The following EYS variants were observed in gnomAD, a reference collection of about 807,000 sequenced individuals.
EYS encodes EGF-like photoreceptor maintenance factor.
A neutral mutation model predicts 282.1 loss-of-function variants in EYS; 250 were observed. The ratio of observed to expected loss-of-function variants is 0.89; its 90% CI spans 0.80 to 0.98. The LOEUF is 0.98. Among genes scored for constraint, EYS ranks in the 50% least tolerant of loss-of-function variants. The pLI, the probability that EYS is intolerant of heterozygous loss-of-function variation, is 0.00. For synonymous variants in EYS, 1,355 were observed against 1,282.9 expected (o/e 1.06, Z -1.20); for missense variants, 4,016 against 3,709.0 (o/e 1.08, Z -2.15).
intron 26 of EYS, among the ~76,000 whole-genome samples, chr6:64,579,947 G>A (rs1376201596): frequency 6.6e-6 from 1 of 152,084 alleles, no homozygotes; most frequent in Non-Finnish European, 1.5e-5. Flanking sequence ...CCATCATTAA[G>A]TTGATAATTT....
intron 30 of EYS, among the ~76,000 whole-genome samples, chr6:64,250,773 A>G (rs969932484): frequency 3.9e-5 from 6 of 152,204 alleles, no homozygotes; most frequent in African/African-American, 1.4e-4. Flanking sequence ...AACAAGCCCA[A>G]TCACATAGGG....
intron 5 of EYS, among the ~76,000 whole-genome samples, chr6:65,417,419 G>A (rs891863480): frequency 1.3e-5 from 2 of 151,998 alleles, no homozygotes; most frequent in African/African-American, 4.8e-5. Flanking sequence ...AGTTTCTAAT[G>A]TGTGACTCTC....
intron 9 of EYS, 45 bp from the exon 10 acceptor site, chr6:65,344,222 T>G: frequency 1.4e-6 from 2 of 1,460,150 alleles, no homozygotes; most frequent in Non-Finnish European, 1.9e-6. Context: ...TCTTACAAAC[T>G]TGAATTCAGA....
At chr6:65,365,053 C>T (rs543799274) in intron 8 of EYS, among the ~76,000 whole-genome samples, 2 of 151,648 alleles carry the variant, frequency 1.3e-5, no homozygotes, top group South Asian at 4.2e-4. Context: ...AAAAGTCATC[C>T]TAACTCTGAA....
In EYS at chr6:63,720,950, T is replaced by A; in HGVS notation, c.9081A>T (p.Arg3027Ser). Residue 3027 changes from arginine to serine, a missense_variant, in exon 43 of 43, where the codon AGA becomes AGT. Coordinates refer to ENST00000503581, the MANE Select transcript of EYS (RefSeq NM_001142800.2). ...TLKIAVNLGE[R>S]ISVPMSYNNG... ...TGTTATAGCTCATAGGCACAGAGAT[T>A]CTTTCTCCCAAGTTAACTGCTATTT... 6.4e-7 allele frequency: 1 copy of A among 1,551,374 alleles called. No individual in the cohort carries two copies. The highest frequency in any genetic ancestry group is 8.7e-7 in the Non-Finnish European group (1 of 1,146,788).
At chr6:65,048,668 C>T (rs564157373) in intron 13 of EYS, among the ~76,000 whole-genome samples, 2 of 151,968 alleles carry the variant, frequency 1.3e-5, no homozygotes, top group Admixed American at 6.6e-5. Context: ...TAATAATTTA[C>T]AATCTGACAG....
chr6:64,296,541 AATATATATATATATATATATATAT>A (rs1211614579), intron 30 of EYS, among the ~76,000 whole-genome samples: 6 of 15,726 alleles, frequency 3.8e-4, no homozygotes, highest in Middle Eastern at 0.042. Flanking sequence ...GTACTGGCAG[AATATATATATATATATATATATAT>A]ATATATATAT....
intron 2 of EYS, among the ~76,000 whole-genome samples, chr6:65,550,149 T>TC (rs1768559023): frequency 7.0e-5 from 1 of 14,382 alleles, no homozygotes. Context: ...ATATCTTTTT[T>TC]TTTTTTTTTT....
At chr6:65,076,337 A>C (rs941335425) in intron 12 of EYS, among the ~76,000 whole-genome samples, 2 of 152,030 alleles carry the variant, frequency 1.3e-5, no homozygotes, top group Non-Finnish European at 2.9e-5. Flanking sequence ...AAAATATATC[A>C]TACATATTGA....
intron 33 of EYS, among the ~76,000 whole-genome samples, chr6:64,036,880 C>G (rs1042646870): frequency 6.6e-6 from 1 of 152,142 alleles, no homozygotes; most frequent in Non-Finnish European, 1.5e-5. Context: ...AGTGGCAATG[C>G]TAGGATTTGA....
chr6:64,527,042 GA>G (rs1441060842), intron 26 of EYS, among the ~76,000 whole-genome samples: 1 of 151,446 alleles, frequency 6.6e-6, no homozygotes, highest in African/African-American at 2.4e-5. Context: ...TTTGAGTAAA[GA>G]AAAAAAATTC....
At chr6:64,302,197 A>C (rs1769261075) in intron 30 of EYS, among the ~76,000 whole-genome samples, 1 of 152,104 alleles carries the variant, frequency 6.6e-6, no homozygotes, top group Non-Finnish European at 1.5e-5. Flanking sequence ...CAAGCCACCC[A>C]ATCACATCAA....
intron 22 of EYS, among the ~76,000 whole-genome samples, chr6:64,710,644 C>A (rs1407094438): frequency 6.6e-6 from 1 of 152,206 alleles, no homozygotes; most frequent in Non-Finnish European, 1.5e-5. Context: ...TTGTTCAATT[C>A]TTTGTCCACA....
intron 11 of EYS, among the ~76,000 whole-genome samples, chr6:65,296,931 T>A (rs997483154): frequency 1.1e-4 from 16 of 143,862 alleles, no homozygotes; most frequent in African/African-American, 3.9e-4. Context: ...GGGATATTTT[T>A]CTGGAGTTAG....
At chr6:65,075,629 T>G (rs150256675) in intron 12 of EYS, among the ~76,000 whole-genome samples, 1 of 152,124 alleles carries the variant, frequency 6.6e-6, no homozygotes, top group East Asian at 1.9e-4. Flanking sequence ...ATCAGTCTTT[T>G]AGTTCAGAAA....
chr6:64,310,582 T>C (rs1769653755), intron 29 of EYS, among the ~76,000 whole-genome samples: 1 of 152,052 alleles, frequency 6.6e-6, no homozygotes, highest in South Asian at 2.1e-4. Context: ...CTATTGCCTA[T>C]TGGAGGGTAG....
intron 19 of EYS, among the ~76,000 whole-genome samples, chr6:64,881,805 G>A (rs1038502121): frequency 6.6e-6 from 1 of 151,790 alleles, no homozygotes; most frequent in Admixed American, 6.6e-5. Flanking sequence ...TGTAAACTCT[G>A]TAAGTTTTAT....
At chr6:65,359,977 A>G (rs1207550127) in intron 8 of EYS, among the ~76,000 whole-genome samples, 1 of 152,002 alleles carries the variant, frequency 6.6e-6, no homozygotes, top group Non-Finnish European at 1.5e-5. Context: ...CTTTATACTT[A>G]GGTTTCAAAT....
intron 32 of EYS, among the ~76,000 whole-genome samples, chr6:64,073,708 A>C (rs1771669747): frequency 6.6e-6 from 1 of 151,794 alleles, no homozygotes; most frequent in Non-Finnish European, 1.5e-5. Flanking sequence ...TATTAAATTT[A>C]GTTCAACATT....
Sources: allele counts gnomAD v4.1 joint callset (sites outside exome capture counted in the v4.1 genomes callset), GRCh38; gene constraint gnomAD v4.1.1; transcripts MANE v1.5; gene names NCBI Gene and HGNC (gene_info 2026-07-23, HGNC 2026-07-21).